Variants in MALRD1 observed in about 807,000 individuals in gnomAD.
MALRD1 encodes the protein MAM and LDL receptor class A domain containing 1.
MALRD1 carries 247 observed loss-of-function variants against 242.1 expected under a neutral mutation model. The ratio of observed to expected loss-of-function variants is 1.02; its 90% CI spans 0.92 to 1.13. The LOEUF (loss-of-function observed/expected upper bound fraction) is 1.13. Ranked by LOEUF, MALRD1 falls within the 50% of genes most tolerant of loss-of-function variation. The pLI, the probability that MALRD1 is intolerant of heterozygous loss-of-function variation, is 0.00. For missense variants in MALRD1, 2,989 were observed against 2,533.1 expected (o/e 1.18, Z -3.86); for synonymous variants, 995 against 866.6 (o/e 1.15, Z -2.60).
intron 29 of MALRD1, among the ~76,000 whole-genome samples, chr10:19,478,794 C>A (rs1836857154): frequency 6.6e-6 from 1 of 152,134 alleles, no homozygotes; most frequent in Non-Finnish European, 1.5e-5. Flanking sequence ...GTATCAAAGT[C>A]ACCAAACACA....
intron 36 of MALRD1, among the ~76,000 whole-genome samples, chr10:19,666,137 C>T (rs1461531562): frequency 6.6e-6 from 1 of 152,118 alleles, no homozygotes; most frequent in Non-Finnish European, 1.5e-5. Flanking sequence ...TTTGCTACTC[C>T]TCATAGTTCC....
intron 36 of MALRD1, among the ~76,000 whole-genome samples, chr10:19,660,779 A>G (rs1051353996): frequency 6.6e-6 from 1 of 152,182 alleles, no homozygotes; most frequent in Non-Finnish European, 1.5e-5. Context: ...AAACCTAGTT[A>G]GCCATAGTTC....
chr10:19,663,276 A>G (rs1841528642), intron 36 of MALRD1, among the ~76,000 whole-genome samples: 1 of 152,088 alleles, frequency 6.6e-6, no homozygotes, highest in Non-Finnish European at 1.5e-5. Context: ...ATCATGTGGT[A>G]TTTGACTTTC....
intron 30 of MALRD1, among the ~76,000 whole-genome samples, chr10:19,492,487 A>G (rs1016738991): frequency 6.6e-6 from 1 of 152,140 alleles, no homozygotes; most frequent in African/African-American, 2.4e-5. Context: ...CTAGATAATC[A>G]CATCCAAGAT....
chr10:19,379,792 C>T (rs1210224272), intron 26 of MALRD1, among the ~76,000 whole-genome samples: 2 of 151,934 alleles, frequency 1.3e-5, no homozygotes, highest in African/African-American at 2.4e-5. Flanking sequence ...TTAACTAGAC[C>T]AGTATGCTTG....
At position 19,328,876 on chromosome 10, in the gene MALRD1, G is replaced by T. The variant is rs1424913567; in HGVS notation, c.3687+1203G>T. Among the ~76,000 whole-genome samples, 51 of 152,106 alleles carry T rather than the reference G, an allele frequency of 3.4e-4. 1 individual carries two copies. The highest frequency in any genetic ancestry group is 3.3e-3 in the Admixed American group (51 of 15,256). Reference sequence around the variant, plus strand: ...GGATCCCAACTGTTCAGCCTCTCAGGTCTTTAAACTGAGGCGAGAAGAAAT... The same window carrying T: ...GGATCCCAACTGTTCAGCCTCTCAGTTCTTTAAACTGAGGCGAGAAGAAAT... On this transcript the variant is annotated intron_variant, in intron 23 of 39. Coordinates refer to ENST00000454679, the MANE Select transcript of MALRD1 (RefSeq NM_001142308.3).
At chr10:19,490,370 G>A (rs1837427671) in intron 29 of MALRD1, among the ~76,000 whole-genome samples, 1 of 151,966 alleles carries the variant, frequency 6.6e-6, no homozygotes, top group South Asian at 2.1e-4. Context: ...ACCATGTGAA[G>A]GGACATAAAC....
At chr10:19,162,858 G>A (rs1002817669) in intron 12 of MALRD1, among the ~76,000 whole-genome samples, 1 of 151,964 alleles carries the variant, frequency 6.6e-6, no homozygotes, top group Non-Finnish European at 1.5e-5. Context: ...TAGGTCAGGT[G>A]CAGTGGCTCA....
Position 19,136,558 on chromosome 10 carries a change from C to T in MALRD1, c.1204-16C>T. 8.2e-7 allele frequency: 1 copy of T among 1,215,444 alleles called. No individual in the cohort carries two copies. Among genetic ancestry groups the T allele is most frequent in the Non-Finnish European group, 1.0e-6 (1 of 973,160 alleles). 75.3% of individuals were successfully genotyped at this position (1,215,444 alleles called of 1,614,324 possible). ...GGAGATTGCAAACTCATAAATTAAT[C>T]TTTTCCTTCCTAAAGATTATTTTTG... On this transcript the variant is annotated splice_polypyrimidine_tract_variant and intron_variant, in intron 9 of 39. Transcript: ENST00000454679.
intron 36 of MALRD1, among the ~76,000 whole-genome samples, chr10:19,627,742 G>T (rs560103466): frequency 1.5e-5 from 2 of 136,024 alleles, no homozygotes; most frequent in African/African-American, 5.8e-5. Flanking sequence ...CAGCCTGGGC[G>T]ACAGAGCAAG....
At chr10:19,506,961 G>A (rs1236984479) in intron 31 of MALRD1, among the ~76,000 whole-genome samples, 1 of 152,080 alleles carries the variant, frequency 6.6e-6, no homozygotes, top group African/African-American at 2.4e-5. Context: ...AGGAAGAATA[G>A]TGCCAACATC....
Position 19,607,767 on chromosome 10 carries a change from T to G in MALRD1, c.5945-10T>G. On this transcript the variant is annotated splice_polypyrimidine_tract_variant and intron_variant, in intron 34 of 39. Transcript: ENST00000454679. ...TGGCATCCCTGATCATTATTCTTTT[T>G]TTTTTGCAGCCAACAAAAGCTGTTC... is the stretch of plus-strand genomic sequence containing the variant. The G allele has an allele frequency of 6.5e-7, 1 of 1,544,828 alleles. No homozygotes were observed. Among genetic ancestry groups the G allele is most frequent in the East Asian group, 2.4e-5 (1 of 40,848 alleles).
chr10:19,129,604 C>T (rs181078907), intron 8 of MALRD1, among the ~76,000 whole-genome samples: 28 of 152,094 alleles, frequency 1.8e-4, no homozygotes, highest in African/African-American at 6.0e-4. Context: ...CTAATCATAG[C>T]TTGATCTTTC....
chr10:19,480,658 A>G (rs565972552), intron 29 of MALRD1, among the ~76,000 whole-genome samples: 9 of 152,228 alleles, frequency 5.9e-5, no homozygotes, highest in Admixed American at 3.3e-4. Context: ...AGAAATTGCT[A>G]AGAGGCAAGG....
Position 19,305,526 on chromosome 10 carries a change from T to G in MALRD1, c.3420-18423T>G, listed in dbSNP as rs376432443. 2.5e-4 allele frequency among the ~76,000 whole-genome samples: 38 copies of G among 151,392 alleles called. No individual in the cohort carries two copies. The East Asian group carries it at 6.4e-3, about 26-fold the overall frequency. On this transcript the variant is annotated intron_variant, in intron 21 of 39. Transcript: ENST00000454679. Reference sequence around the variant, plus strand: ...TAAAAGTATTGCAAGTTTTCAATTTTGAACCAATTTGTTGTTGTGAGAAAG... The same window carrying G: ...TAAAAGTATTGCAAGTTTTCAATTTGGAACCAATTTGTTGTTGTGAGAAAG...
chr10:19,452,420 C>T (rs957398849), intron 29 of MALRD1, among the ~76,000 whole-genome samples: 1 of 152,112 alleles, frequency 6.6e-6, no homozygotes, highest in Non-Finnish European at 1.5e-5. Context: ...TGATCAACTG[C>T]TTTTAGGCCT....
intron 33 of MALRD1, among the ~76,000 whole-genome samples, chr10:19,578,853 A>C (rs781749120): frequency 2.0e-5 from 3 of 152,092 alleles, no homozygotes; most frequent in Non-Finnish European, 4.4e-5. Context: ...GTCGGTTTCC[A>C]TATATACATC....
At chr10:19,237,513 CATATATAT>C (rs34727263) in intron 18 of MALRD1, among the ~76,000 whole-genome samples, 4 of 113,712 alleles carry the variant, frequency 3.5e-5, no homozygotes, top group South Asian at 2.4e-4. Context: ...TGTGTGTGTC[CATATATAT>C]ATATATATAT....
At position 19,112,123 on chromosome 10, in the gene MALRD1, G is replaced by A. The variant is rs183506134; in HGVS notation, c.694+8048G>A. 1.8e-3 allele frequency among the ~76,000 whole-genome samples: 274 copies of A among 151,178 alleles called. 1 individual carries two copies. Among genetic ancestry groups the A allele is most frequent in the Non-Finnish European group, 2.6e-3 (177 of 67,904 alleles). Reference sequence around the variant, plus strand: ...ATAGATGGGAATCACTGTAAATGGAGCCTGAATTTTAAATAAGATTCTCAG... The same window carrying A: ...ATAGATGGGAATCACTGTAAATGGAACCTGAATTTTAAATAAGATTCTCAG... On this transcript the variant is annotated intron_variant, in intron 5 of 39. Transcript: ENST00000454679.
Sources: gnomAD v4.1 joint callset for allele counts (sites outside exome capture counted in the v4.1 genomes callset) on GRCh38, gnomAD v4.1.1 for gene constraint, MANE v1.5 for transcripts, NCBI Gene and HGNC (gene_info 2026-07-23, HGNC 2026-07-21) for gene names.